Variants in CELF2 observed in about 807,000 individuals in gnomAD.
CELF2 encodes the protein CUG triplet repeat RNA-binding protein 2.
In CELF2, 8 loss-of-function variants were observed where a neutral mutation model predicts 62.6. The ratio of observed to expected loss-of-function variants is 0.13; its 90% CI spans 0.07 to 0.23. The LOEUF (loss-of-function observed/expected upper bound fraction) is 0.23, where lower values mean the gene tolerates loss of function less well. Among genes scored for constraint, CELF2 ranks in the 10% least tolerant of loss-of-function variants. The pLI is 1.00. For missense variants in CELF2, 333 were observed against 671.0 expected (o/e 0.50, Z 5.56); for synonymous variants, 258 against 250.0 (o/e 1.03, Z -0.30).
At chr10:10,803,194 A>C (rs571814212) in intron 1 of CELF2, among the ~76,000 whole-genome samples, 16 of 152,308 alleles carry the variant, frequency 1.1e-4, no homozygotes, top group Admixed American at 1.0e-3. Flanking sequence ...AATTTTGCAC[A>C]TAGAGGAATG....
chr10:10,973,631 G>A (rs1290304155), intron 2 of CELF2, among the ~76,000 whole-genome samples: 1 of 152,134 alleles, frequency 6.6e-6, no homozygotes, highest in Admixed American at 6.5e-5. Flanking sequence ...CAGTAGCTCA[G>A]TCATAGCTCA....
At chr10:10,638,664 C>G in the CELF2 span, among the ~76,000 whole-genome samples, 2 of 152,176 alleles carry the variant, frequency 1.3e-5, no homozygotes, top group Non-Finnish European at 1.5e-5. Flanking sequence ...ACAGGCTATT[C>G]TAAGTGTATG....
intron 1 of CELF2, among the ~76,000 whole-genome samples, chr10:11,048,983 A>G (rs1335424355): frequency 2.0e-5 from 3 of 152,224 alleles, no homozygotes; most frequent in African/African-American, 4.8e-5. Context: ...GCATTCATGT[A>G]TTAGAAGCCA....
the CELF2 span, among the ~76,000 whole-genome samples, chr10:10,510,216 T>G: frequency 1.3e-5 from 2 of 152,234 alleles, no homozygotes; most frequent in African/African-American, 4.8e-5. Context: ...TCACCTCCTA[T>G]TCACAAACCT....
intron 2 of CELF2, among the ~76,000 whole-genome samples, chr10:11,182,862 A>C (rs1473512896): frequency 6.6e-6 from 1 of 152,086 alleles, no homozygotes; most frequent in African/African-American, 2.4e-5. Context: ...CTTCACATCC[A>C]AATCCTGTGA....
intron 1 of CELF2, among the ~76,000 whole-genome samples, chr10:10,868,857 T>G (rs1447369852): frequency 6.6e-6 from 1 of 152,256 alleles, no homozygotes; most frequent in Non-Finnish European, 1.5e-5. Context: ...AATTTGTGGC[T>G]CACTGCTACC....
chr10:10,877,145 A>T (rs1286463491), intron 1 of CELF2, among the ~76,000 whole-genome samples: 1 of 152,266 alleles, frequency 6.6e-6, no homozygotes, highest in Non-Finnish European at 1.5e-5. Context: ...CTGGGCAAGC[A>T]GTAATTCAAC....
rs78960654 is a variant in CELF2, at chr10:10,993,098, C to A, written c.89+73099C>A. On this transcript the variant is annotated intron_variant, in intron 2 of 13. Coordinates refer to the CELF2 transcript ENST00000636488. The surrounding 1 kb of genome is among the most constrained non-coding windows in gnomAD (Gnocchi z 5.3). ...GCGGATGATCCAGGGCAGGGCAGAA[C>A]AATTGCAGGGCCAGCTGCTGTTTCC... Among the ~76,000 whole-genome samples, 37 of 152,214 alleles carry A rather than the reference C, an allele frequency of 2.4e-4. No individual in the cohort carries two copies. In the East Asian group the frequency reaches 7.0e-3, roughly 29 times the overall value.
rs1467882085 is a variant in CELF2, at chr10:10,993,521, A to AG, written c.89+73523dup. Among the ~76,000 whole-genome samples the AG allele has an allele frequency of 6.6e-6, 1 of 152,208 alleles. No individual in the cohort carries two copies. The highest frequency in any genetic ancestry group is 2.4e-5 in the African/African-American group (1 of 41,468). On this transcript the variant is annotated intron_variant, in intron 2 of 13. Coordinates refer to the CELF2 transcript ENST00000636488. This position sits in a 1 kb window ranked among gnomAD's most constrained non-coding sequence, Gnocchi z 5.3. Reference sequence around the variant, plus strand: ...GAAGATCCTGGTATAGAAGTCTAACAGCCTAAGCCACTGGGAACACACTTG... The same window carrying AG: ...GAAGATCCTGGTATAGAAGTCTAACAGGCCTAAGCCACTGGGAACACACTTG...
intron 2 of CELF2, among the ~76,000 whole-genome samples, chr10:11,186,425 T>G (rs1026008100): frequency 2.6e-5 from 4 of 152,108 alleles, no homozygotes; most frequent in African/African-American, 9.7e-5. Flanking sequence ...GGTTACTGAT[T>G]TGAAATCTTT....
In CELF2 at chr10:10,947,619, C is replaced by G. The variant is rs983359506; in HGVS notation, c.89+27620C>G. 6.6e-6 allele frequency: 1 copy of G among 152,568 alleles called. No individual in the cohort carries two copies. The highest frequency in any genetic ancestry group is 1.5e-5 in the Non-Finnish European group (1 of 68,038). The allele number at this position is 152,568 out of a possible 1,614,324, so 9.5% of individuals were successfully genotyped here. A position where few individuals can be genotyped will look rare whatever the true frequency, so the allele number is the denominator to read the frequency against. ...GCCTCGGTGTCCTCAGTGCCTAGAACAATGCCTGGCTTTCAAGTTTACAGA... is the reference window on the plus strand; with the variant it reads ...GCCTCGGTGTCCTCAGTGCCTAGAAGAATGCCTGGCTTTCAAGTTTACAGA... On this transcript the variant is annotated intron_variant, in intron 2 of 13. Coordinates refer to the CELF2 transcript ENST00000636488. The surrounding 1 kb of genome is among the most constrained non-coding windows in gnomAD (Gnocchi z 4.1).
the CELF2 span, among the ~76,000 whole-genome samples, chr10:10,712,567 A>G: frequency 6.6e-6 from 1 of 152,110 alleles, no homozygotes; most frequent in Non-Finnish European, 1.5e-5. Context: ...TTCAAATACA[A>G]CCAGCAATGA....
rs2094238931 is a variant in CELF2, at chr10:11,306,721, A to C, written c.977-7418A>C. ...GCAAGTCATCTAGTTAATTTTTCTT[A>C]GTCTCATGCTTGATTCTTCTCCCTC... On this transcript the variant is annotated intron_variant, in intron 9 of 12. Transcript: ENST00000633077. This position sits in a 1 kb window ranked among gnomAD's most constrained non-coding sequence, Gnocchi z 4.4. 6.6e-6 allele frequency among the ~76,000 whole-genome samples: 1 copy of C among 152,086 alleles called. No individual in the cohort carries two copies. The highest frequency in any genetic ancestry group is 1.5e-5 in the Non-Finnish European group (1 of 68,022).
At position 10,947,886 on chromosome 10, in the gene CELF2, G is replaced by C. The variant is rs1325570782; in HGVS notation, c.89+27887G>C. On this transcript the variant is annotated intron_variant, in intron 2 of 13. Coordinates refer to the CELF2 transcript ENST00000636488. This position sits in a 1 kb window ranked among gnomAD's most constrained non-coding sequence, Gnocchi z 4.1. ...GCAGAGGAGAGGTGGGATCCCATAG[G>C]AGCTTGAGGCAAGAACGTCCAAGCA... Among the ~76,000 whole-genome samples, 1 of 152,204 alleles carries C rather than the reference G, an allele frequency of 6.6e-6. No individual in the cohort carries two copies. The highest frequency in any genetic ancestry group is 1.5e-5 in the Non-Finnish European group (1 of 68,024).
chr10:10,707,990 T>TA, the CELF2 span, among the ~76,000 whole-genome samples: 1 of 152,150 alleles, frequency 6.6e-6, no homozygotes, highest in Non-Finnish European at 1.5e-5. Context: ...CAATGCAAGT[T>TA]AAAATGGAAC....
Position 11,267,033 on chromosome 10 carries a change from C to T in CELF2, c.618+356C>T, listed in dbSNP as rs536483701. On this transcript the variant is annotated intron_variant, in intron 6 of 12. Coordinates refer to ENST00000633077, the MANE Select transcript of CELF2 (RefSeq NM_001326342.2). The surrounding 1 kb of genome is among the most constrained non-coding windows in gnomAD (Gnocchi z 4.4). ...TACATTCCCCACACCGGGGTCGGTG[C>T]GGATGAAACAGTAACAGCCTCCCAC... Among the ~76,000 whole-genome samples, 14 of 152,308 alleles carry T rather than the reference C, an allele frequency of 9.2e-5. No homozygotes were observed. Among genetic ancestry groups the T allele is most frequent in the African/African-American group, 2.6e-4 (11 of 41,564 alleles).
At chr10:11,197,280 G>A (rs540208400) in intron 2 of CELF2, among the ~76,000 whole-genome samples, 4 of 152,200 alleles carry the variant, frequency 2.6e-5, no homozygotes, top group East Asian at 1.9e-4. Context: ...CACTCTGTCC[G>A]TGATACCAGG....
the CELF2 span, among the ~76,000 whole-genome samples, chr10:10,500,965 A>G: frequency 6.6e-6 from 1 of 152,164 alleles, no homozygotes; most frequent in Non-Finnish European, 1.5e-5. Context: ...GTTATTATTT[A>G]TTGCTGTGTA....
At chr10:10,742,611 C>T in the CELF2 span, among the ~76,000 whole-genome samples, 1 of 142,414 alleles carries the variant, frequency 7.0e-6, no homozygotes, top group African/African-American at 2.6e-5. Context: ...AAAAAAAGAA[C>T]ATTTTTACTC....
Sources: gnomAD v4.1 joint callset for allele counts (sites outside exome capture counted in the v4.1 genomes callset) on GRCh38, gnomAD v4.1.1 for gene constraint, Gnocchi (gnomAD v3.1) non-coding constraint, MANE v1.5 for transcripts, NCBI Gene and HGNC (gene_info 2026-07-23, HGNC 2026-07-21) for gene names.